XRCC4: variants seen among roughly 807,000 people sequenced by gnomAD.
The protein encoded by XRCC4 is DNA repair protein XRCC4.
Under a neutral mutation model 39.1 loss-of-function variants are expected in XRCC4, and 28 were observed. That is an observed-to-expected ratio of 0.72 (90% CI 0.53 to 0.98). XRCC4 has a LOEUF of 0.98. Among genes scored for constraint, XRCC4 ranks in the 50% least tolerant of loss-of-function variants. The pLI is 0.00. For synonymous variants in XRCC4, 123 were observed against 126.4 expected, an observed-to-expected ratio of 0.97 and a Z score of 0.18; for missense variants, 350 against 376.4, an observed-to-expected ratio of 0.93 and a Z score of 0.58.
At chr5:83,289,466 A>G (rs1413930350) in intron 7 of XRCC4, among the ~76,000 whole-genome samples, 2 of 151,832 alleles carry the variant, frequency 1.3e-5, no homozygotes, top group South Asian at 2.1e-4. Flanking sequence ...AGAAGCTTCA[A>G]ACTCCCTCCT....
intron 7 of XRCC4, chr5:83,311,145 T>C: frequency 5.2e-6 from 1 of 193,906 alleles, no homozygotes. Flanking sequence ...CATAAAGTCA[T>C]AGGAAAGCCA....
chr5:83,148,017 G>A (rs1465844465), intron 3 of XRCC4, among the ~76,000 whole-genome samples: 1 of 151,958 alleles, frequency 6.6e-6, no homozygotes, highest in Non-Finnish European at 1.5e-5. Flanking sequence ...CGAACTCCCG[G>A]TCTCAGGTGA....
chr5:83,080,436 G>A (rs1395415826), intron 1 of XRCC4, among the ~76,000 whole-genome samples: 1 of 151,592 alleles, frequency 6.6e-6, no homozygotes, highest in Non-Finnish European at 1.5e-5. Flanking sequence ...TGAGGCAGGA[G>A]AATCAATTGA....
intron 3 of XRCC4, among the ~76,000 whole-genome samples, chr5:83,169,928 T>G (rs1286424065): frequency 6.6e-6 from 1 of 152,214 alleles, no homozygotes; most frequent in Non-Finnish European, 1.5e-5. Context: ...TTCATAAATT[T>G]TATTTCTACC....
At chr5:83,267,609 C>T (rs1252549986) in intron 7 of XRCC4, among the ~76,000 whole-genome samples, 1 of 152,096 alleles carries the variant, frequency 6.6e-6, no homozygotes, top group South Asian at 2.1e-4. Context: ...GATGGGAAAG[C>T]AAGATAGGAG....
chr5:83,207,618 C>G (rs999160855), intron 6 of XRCC4, among the ~76,000 whole-genome samples: 1 of 151,998 alleles, frequency 6.6e-6, no homozygotes, highest in African/African-American at 2.4e-5. Flanking sequence ...AATCTCATCT[C>G]AAATGCTTGA....
At chr5:83,296,315 C>T (rs1561460389) in intron 7 of XRCC4, among the ~76,000 whole-genome samples, 1 of 152,044 alleles carries the variant, frequency 6.6e-6, no homozygotes. Flanking sequence ...CCTATTCTGA[C>T]ACTTTAATTT....
intron 2 of XRCC4, among the ~76,000 whole-genome samples, chr5:83,106,554 A>C (rs1008628032): frequency 7.2e-5 from 11 of 152,014 alleles, no homozygotes; most frequent in South Asian, 2.1e-4. Flanking sequence ...ATGTTATTTG[A>C]AATTTTTTAA....
chr5:83,131,098 TG>T (rs1448757566), intron 3 of XRCC4, among the ~76,000 whole-genome samples: 1 of 152,204 alleles, frequency 6.6e-6, no homozygotes, highest in Non-Finnish European at 1.5e-5. Context: ...CTTTCTCTTG[TG>T]GACATGTAGT....
chr5:83,343,074 T>C (rs1756811854), intron 7 of XRCC4, among the ~76,000 whole-genome samples: 1 of 151,850 alleles, frequency 6.6e-6, no homozygotes, highest in Non-Finnish European at 1.5e-5. Flanking sequence ...ATTTGACTTT[T>C]TTTTTTTTAA....
At chr5:83,248,269 T>C (rs965955189) in intron 6 of XRCC4, among the ~76,000 whole-genome samples, 1 of 152,190 alleles carries the variant, frequency 6.6e-6, no homozygotes, top group Non-Finnish European at 1.5e-5. Context: ...TTAGGGAGTT[T>C]TATTTTTGTC....
At chr5:83,259,287 A>G (rs540754724) in intron 7 of XRCC4, 1 of 152,556 alleles carries the variant, frequency 6.6e-6, no homozygotes, top group South Asian at 2.1e-4. Flanking sequence ...ATGAATGTTC[A>G]AATCATTTGT....
At chr5:83,362,294 C>CAAAAAAAAAAAAAAAAAAAAAAA in the XRCC4 span, among the ~76,000 whole-genome samples, 4 of 73,184 alleles carry the variant, frequency 5.5e-5, 1 homozygote, top group East Asian at 1.5e-3. Context: ...GCTATTTAGG[C>CAAAAAAAAAAAAAAAAAAAAAAA]AAAAAAAAAA....
intron 3 of XRCC4, among the ~76,000 whole-genome samples, chr5:83,161,468 G>A (rs1243950119): frequency 6.6e-6 from 1 of 151,988 alleles, no homozygotes; most frequent in Non-Finnish European, 1.5e-5. Flanking sequence ...CTAAATATAA[G>A]TCATCTTTAT....
At chr5:83,241,525 A>C (rs903831017) in intron 6 of XRCC4, among the ~76,000 whole-genome samples, 3 of 152,136 alleles carry the variant, frequency 2.0e-5, no homozygotes, top group Non-Finnish European at 4.4e-5. Flanking sequence ...TCCACCTTTC[A>C]AAAGTGTCAT....
chr5:83,090,573 A>G (rs1017150259), intron 1 of XRCC4, among the ~76,000 whole-genome samples: 1 of 152,160 alleles, frequency 6.6e-6, no homozygotes, highest in African/African-American at 2.4e-5. Context: ...ATAGAGCTCA[A>G]TCTCCTGGTC....
chr5:83,322,320 A>G (rs1756103010), intron 7 of XRCC4, among the ~76,000 whole-genome samples: 1 of 151,940 alleles, frequency 6.6e-6, no homozygotes, highest in Non-Finnish European at 1.5e-5. Flanking sequence ...TGAACTCACA[A>G]TTTTCCATGA....
chr5:83,264,146 C>T (rs987919536), intron 7 of XRCC4, among the ~76,000 whole-genome samples: 11 of 152,152 alleles, frequency 7.2e-5, no homozygotes, highest in Non-Finnish European at 1.3e-4. Context: ...TTTGTTATGC[C>T]GGATGCTTAC....
At chr5:83,291,779 A>G (rs1264099381) in intron 7 of XRCC4, among the ~76,000 whole-genome samples, 2 of 151,812 alleles carry the variant, frequency 1.3e-5, no homozygotes, top group Admixed American at 6.6e-5. Flanking sequence ...ATATGTTACA[A>G]CTTTTGATTT....
Sources: allele counts gnomAD v4.1 joint callset (sites outside exome capture counted in the v4.1 genomes callset), GRCh38; gene constraint gnomAD v4.1.1; transcripts MANE v1.5; gene names NCBI Gene and HGNC (gene_info 2026-07-23, HGNC 2026-07-21).